Variants in ZNF618 observed in about 807,000 individuals in gnomAD.
ZNF618 encodes zinc finger protein 618, also known as neural precursor cell expressed, developmentally down-regulated 10.
Under a neutral mutation model 103.0 loss-of-function variants are expected in ZNF618, and 34 were observed. The observed-to-expected ratio is 0.33, with a 90% confidence interval of 0.25 to 0.44. ZNF618 has a LOEUF of 0.44. Ranked by LOEUF, ZNF618 falls within the 20% of genes least tolerant of loss-of-function variation. The pLI, the probability that ZNF618 is intolerant of heterozygous loss-of-function variation, is 1.00. For synonymous variants in ZNF618, 551 were observed against 542.2 expected (o/e 1.02, Z -0.23); for missense variants, 1,059 against 1,295.4 (o/e 0.82, Z 2.80).
intron 1 of ZNF618, among the ~76,000 whole-genome samples, chr9:113,889,350 T>TCTCTCTCTCTCC (rs1191014933): frequency 6.7e-6 from 1 of 148,358 alleles, no homozygotes; most frequent in African/African-American, 2.4e-5. Flanking sequence ...TCTCTCTTTC[T>TCTCTCTCTCTCC]CTCCCTCCCT....
At position 113,961,209 on chromosome 9, in the gene ZNF618, G is replaced by A. The variant is rs1588159370; in HGVS notation, c.34-7908G>A. ...GGATCCTCTTGTCAAAGATGCTGAC[G>A]GAACCCAGACTTTTCCCTTCAGAGC... On this transcript the variant is annotated intron_variant, in intron 1 of 14. Coordinates refer to ENST00000374126, the MANE Select transcript of ZNF618 (RefSeq NM_001318042.2). 2.0e-5 allele frequency among the ~76,000 whole-genome samples: 3 copies of A among 152,222 alleles called. No individual in the cohort carries two copies. In the East Asian group the frequency reaches 5.8e-4, roughly 29 times the overall value.
chr9:113,919,648 C>T (rs1408688252), intron 1 of ZNF618, among the ~76,000 whole-genome samples: 2 of 152,182 alleles, frequency 1.3e-5, no homozygotes, highest in African/African-American at 4.8e-5. Flanking sequence ...CAGCCCTCTC[C>T]GTGAGGAGGT....
chr9:114,047,294 G>T (rs2134628700), intron 13 of ZNF618, among the ~76,000 whole-genome samples: 1 of 152,332 alleles, frequency 6.6e-6, no homozygotes. Context: ...TTTTCTCTGT[G>T]ATCTTGGGCA....
chr9:113,953,277 G>C (rs1225812155), intron 1 of ZNF618, among the ~76,000 whole-genome samples: 1 of 152,182 alleles, frequency 6.6e-6, no homozygotes, highest in Non-Finnish European at 1.5e-5. Flanking sequence ...GTTAAAAGCA[G>C]GTCTTTGTAG....
At chr9:113,963,359 T>G (rs891583330) in intron 1 of ZNF618, among the ~76,000 whole-genome samples, 4 of 152,190 alleles carry the variant, frequency 2.6e-5, no homozygotes, top group Non-Finnish European at 4.4e-5. Flanking sequence ...TATTATGGTG[T>G]CGTATGTATT....
intron 1 of ZNF618, among the ~76,000 whole-genome samples, chr9:113,924,383 A>G (rs1427827316): frequency 7.0e-6 from 1 of 142,410 alleles, no homozygotes; most frequent in Non-Finnish European, 1.5e-5. Context: ...TCGATTTCTG[A>G]TGTTAGTAAT....
Position 113,988,580 on chromosome 9 carries a change from G to T in ZNF618, c.337G>T (p.Asp113Tyr). The change falls in exon 3 of 15, where the codon GAT (aspartate) becomes TAT (tyrosine). Residue 113 changes from aspartate to tyrosine, a missense_variant and splice_region_variant. By Grantham distance (160) the Asp-to-Tyr change is radical. This residue lies in a region of ZNF618 where 194 missense variants were observed against 209.0 expected (regional missense o/e 0.93). Transcript: ENST00000374126. ...IGGVRNQQTL[D>Y]GKAPEGSPHG... ...CGGCGTCCGCAACCAGCAGACCCTT[G>T]GTGAGTGCCCAGCGTCTGTGGTCAG... 1 of 1,604,608 alleles carries T rather than the reference G, an allele frequency of 6.2e-7. No individual in the cohort carries two copies.
chr9:113,890,746 T>TCACC (rs1358996655), intron 1 of ZNF618, among the ~76,000 whole-genome samples: 1 of 152,216 alleles, frequency 6.6e-6, no homozygotes, highest in Non-Finnish European at 1.5e-5. Flanking sequence ...TGAGTGCCCA[T>TCACC]TTTACACATC....
At chr9:113,966,695 C>T (rs1178616230) in intron 1 of ZNF618, among the ~76,000 whole-genome samples, 2 of 152,176 alleles carry the variant, frequency 1.3e-5, no homozygotes, top group Non-Finnish European at 2.9e-5. Context: ...ACACATGTGT[C>T]TTGGACATCT....
chr9:113,943,222 T>C (rs1336861035), intron 1 of ZNF618, among the ~76,000 whole-genome samples: 1 of 152,122 alleles, frequency 6.6e-6, no homozygotes, highest in Non-Finnish European at 1.5e-5. Context: ...AGAGCAGGCA[T>C]GGGAATGGAT....
chr9:113,888,826 C>T (rs1445725693), intron 1 of ZNF618, among the ~76,000 whole-genome samples: 2 of 152,120 alleles, frequency 1.3e-5, no homozygotes, highest in African/African-American at 4.8e-5. Context: ...GGCAGGAGGG[C>T]AGTTAATCAG....
intron 1 of ZNF618, among the ~76,000 whole-genome samples, chr9:113,945,847 A>T (rs1290477654): frequency 6.6e-6 from 1 of 152,242 alleles, no homozygotes; most frequent in East Asian, 1.9e-4. Flanking sequence ...TGTCTCGTAA[A>T]AAGTTAATTA....
intron 1 of ZNF618, among the ~76,000 whole-genome samples, chr9:113,903,764 T>A (rs943632618): frequency 2.0e-5 from 3 of 152,202 alleles, no homozygotes; most frequent in Admixed American, 2.0e-4. Flanking sequence ...TGCTTCACTG[T>A]TTCCTGGCTT....
Position 114,054,645 on chromosome 9 carries a change from C to T in ZNF618, c.*4478C>T, listed in dbSNP as rs1588478211. The T allele has an allele frequency of 6.5e-6, 1 of 152,746 alleles. No homozygotes were observed. Among genetic ancestry groups the T allele is most frequent in the African/African-American group, 2.4e-5 (1 of 41,472 alleles). The allele number at this position is 152,746 out of a possible 1,614,324, so 9.5% of individuals were successfully genotyped here. A position where few individuals can be genotyped will look rare whatever the true frequency, so the allele number is the denominator to read the frequency against. Reference sequence around the variant, plus strand: ...AAGAACTGGGAAGGAGGAAGCCCCTCCCTTTCACTGTGGCTAATGTTTGCT... The same window carrying T: ...AAGAACTGGGAAGGAGGAAGCCCCTTCCTTTCACTGTGGCTAATGTTTGCT... On this transcript the variant is annotated 3_prime_UTR_variant, in exon 15 of 15. Transcript: ENST00000374126.
intron 1 of ZNF618, among the ~76,000 whole-genome samples, chr9:113,892,944 A>T (rs1289532848): frequency 6.6e-6 from 1 of 152,182 alleles, no homozygotes; most frequent in Non-Finnish European, 1.5e-5. Flanking sequence ...TGTTCTCTTG[A>T]TGTACAGATG....
At chr9:113,964,463 G>A (rs1837167644) in intron 1 of ZNF618, among the ~76,000 whole-genome samples, 1 of 151,884 alleles carries the variant, frequency 6.6e-6, no homozygotes, top group African/African-American at 2.4e-5. Context: ...CAATTACATT[G>A]GCCACCCTCC....
At chr9:113,921,342 G>A (rs541934157) in intron 1 of ZNF618, among the ~76,000 whole-genome samples, 8 of 152,370 alleles carry the variant, frequency 5.3e-5, no homozygotes, top group African/African-American at 1.7e-4. Context: ...CTGTCCCAGG[G>A]TAGCATTTGT....
At chr9:114,038,118 G>T (rs1031872606) in intron 13 of ZNF618, among the ~76,000 whole-genome samples, 1 of 152,242 alleles carries the variant, frequency 6.6e-6, no homozygotes, top group African/African-American at 2.4e-5. Flanking sequence ...AGGGACAGCA[G>T]TTGGCAGGCT....
chr9:113,946,535 C>T (rs138831963), intron 1 of ZNF618, among the ~76,000 whole-genome samples: 2 of 152,274 alleles, frequency 1.3e-5, no homozygotes, highest in East Asian at 1.9e-4. Flanking sequence ...AGACATCCCA[C>T]CTTTATGCCC....
Sources: allele counts gnomAD v4.1 joint callset (sites outside exome capture counted in the v4.1 genomes callset), GRCh38; gene constraint gnomAD v4.1.1; regional missense constraint gnomAD v4.1.1; transcripts MANE v1.5; gene names NCBI Gene and HGNC (gene_info 2026-07-23, HGNC 2026-07-21).